The following ADRA1D variants were observed in gnomAD, a reference collection of about 807,000 sequenced individuals.
ADRA1D encodes alpha-1D adrenergic receptor.
ADRA1D carries 22 observed loss-of-function variants against 18.6 expected under a neutral mutation model. The ratio of observed to expected loss-of-function variants is 1.19; its 90% CI spans 0.85 to 1.69. ADRA1D has a LOEUF of 1.69. Among genes scored for constraint, ADRA1D ranks in the 40% most tolerant of loss-of-function variants. The pLI, the probability that ADRA1D is intolerant of heterozygous loss-of-function variation, is 0.00. For missense variants in ADRA1D, 840 were observed against 840.7 expected (o/e 1.00, Z 0.01); for synonymous variants, 376 against 388.2 (o/e 0.97, Z 0.37).
Position 4,248,351 on chromosome 20 carries a change from T to G in ADRA1D, c.607A>C (p.Lys203Gln). 1 of 1,606,638 alleles carries G rather than the reference T, an allele frequency of 6.2e-7. No homozygotes were observed. The highest frequency in any genetic ancestry group is 1.1e-5 in the South Asian group (1 of 89,868). Residue 203 changes from lysine (K) to glutamine (Q), a missense_variant, in exon 1 of 2, where the codon AAG (lysine) becomes CAG (glutamine). Coordinates refer to ENST00000379453, the MANE Select transcript of ADRA1D (RefSeq NM_000678.4). The stretch of plus-strand genomic sequence containing the variant: ...CGCTCGGTCATGATGGCTGGGTACT[T>G]GAGTGAGTGGCGCACGCCCACGTAC... The part of the protein sequence containing the change: ...DRYVGVRHSL[K>Q]YPAIMTERKA...
At position 4,239,121 on chromosome 20, in the gene ADRA1D, G is replaced by A. The variant is rs1981158700; in HGVS notation, c.1111+8726C>T. The stretch of plus-strand genomic sequence containing the variant: ...GACCAGGGCATAGGCCTTGGAGGAG[G>A]GGAGGAGGGGAAGGTCATTGTAGTC... On this transcript the variant is annotated intron_variant, in intron 1 of 1. Transcript: ENST00000379453. The surrounding 1 kb of genome is among the most constrained non-coding windows in gnomAD (Gnocchi z 4.9). Among the ~76,000 whole-genome samples, 1 of 152,106 alleles carries A rather than the reference G, an allele frequency of 6.6e-6. No homozygotes were observed. The highest frequency in any genetic ancestry group is 2.4e-5 in the African/African-American group (1 of 41,422).
chr20:4,229,161 T>C (rs1720370777), intron 1 of ADRA1D, among the ~76,000 whole-genome samples: 2 of 152,206 alleles, frequency 1.3e-5, no homozygotes, highest in Non-Finnish European at 2.9e-5. Context: ...TGTCTTTGCA[T>C]TCTCCTATCA....
At position 4,221,959 on chromosome 20, in the gene ADRA1D, C is replaced by A; in HGVS notation, c.1283G>T (p.Arg428Leu). The A allele has an allele frequency of 6.5e-7, 1 of 1,547,138 alleles. No homozygotes were observed. The change falls in exon 2 of 2, where the codon CGC (arginine) becomes CTC (leucine). Residue 428 changes from arginine (R) to leucine (L), a missense_variant. By Grantham distance (102) the Arg-to-Leu change is moderately radical. Transcript: ENST00000379453. ...RCQCRRRRRR[R>L]PLWRVYGHHW... Reference sequence around the variant, plus strand: ...GTGGCCGTAGACACGCCAGAGAGGGCGGCGGCGCCGGCGACGACGGCACTG... The same window carrying A: ...GTGGCCGTAGACACGCCAGAGAGGGAGGCGGCGCCGGCGACGACGGCACTG...
intron 1 of ADRA1D, among the ~76,000 whole-genome samples, chr20:4,233,699 C>G (rs1395699967): frequency 1.3e-5 from 2 of 152,134 alleles, no homozygotes; most frequent in African/African-American, 4.8e-5. Context: ...CCCTTAGTGG[C>G]CATCATCACT....
At chr20:4,227,706 CCTTCCTTCCTTCCTTCCTTCCTT>C (rs1980844551) in intron 1 of ADRA1D, among the ~76,000 whole-genome samples, 1 of 36,014 alleles carries the variant, frequency 2.8e-5, no homozygotes, top group Non-Finnish European at 6.0e-5. Flanking sequence ...CTCCCTCCCT[CCTTCCTTCCTTCCTTCCTTCCTT>C]CCTTCCTTCC....
intron 1 of ADRA1D, among the ~76,000 whole-genome samples, chr20:4,242,202 G>T (rs1042858108): frequency 6.6e-6 from 1 of 152,160 alleles, no homozygotes; most frequent in African/African-American, 2.4e-5. Context: ...CTTATTTTGC[G>T]CAGTATAACA....
chr20:4,225,428 C>CTTTTTTTTT lies in ADRA1D; in HGVS notation c.1112-3307_1112-3299dup, dbSNP rs11474446. ...GTAGCTATTACTTTTTTTTTTCTTT[C>CTTTTTTTTT]TTTTTTTTTTTTTTTTGAGACAGGG... On this transcript the variant is annotated intron_variant, in intron 1 of 1. Coordinates refer to ENST00000379453, the MANE Select transcript of ADRA1D (RefSeq NM_000678.4). 4.7e-4 allele frequency among the ~76,000 whole-genome samples: 56 copies of CTTTTTTTTT among 119,540 alleles called. 2 individuals are homozygous for CTTTTTTTTT. Among genetic ancestry groups the CTTTTTTTTT allele is most frequent in the South Asian group, 1.1e-3 (4 of 3,696 alleles). The allele number at this position is 119,540 out of a possible 152,430, so 78.4% of individuals were successfully genotyped here.
chr20:4,244,837 T>C (rs946003916), intron 1 of ADRA1D, among the ~76,000 whole-genome samples: 1 of 152,240 alleles, frequency 6.6e-6, no homozygotes, highest in Non-Finnish European at 1.5e-5. Flanking sequence ...GTTTGGCCTC[T>C]GTCCTGTTTG....
rs1226226169 is a variant in ADRA1D, at chr20:4,248,675, G to T, written c.283C>A (p.Gln95Lys). 1 of 1,597,380 alleles carries T rather than the reference G, an allele frequency of 6.3e-7. No homozygotes were observed. The highest frequency in any genetic ancestry group is 8.5e-7 in the Non-Finnish European group (1 of 1,173,056). ...AAVGGLVVSA[Q>K]GVGVGVFLAA... ...AGGAAGACGCCCACGCCCACGCCCT[G>T]CGCGCTCACCACCAGTCCCCCGACG... The change falls in exon 1 of 2, where the codon CAG becomes AAG. Residue 95 changes from glutamine (Q) to lysine (K), a missense_variant. Gln to Lys is a moderately conservative substitution (Grantham distance 53). Coordinates refer to ENST00000379453, the MANE Select transcript of ADRA1D (RefSeq NM_000678.4).
chr20:4,231,088 TTTTCTTTTC>T (rs200744593), intron 1 of ADRA1D, among the ~76,000 whole-genome samples: 4,755 of 84,218 alleles, frequency 0.056, 305 homozygotes, highest in African/African-American at 0.19. Flanking sequence ...CTCTCTTTTC[TTTTCTTTTC>T]TTTCTTTCTT....
intron 1 of ADRA1D, among the ~76,000 whole-genome samples, chr20:4,240,531 T>G (rs1358634718): frequency 6.6e-6 from 1 of 152,018 alleles, no homozygotes; most frequent in Non-Finnish European, 1.5e-5. Flanking sequence ...CAGTGGTTCA[T>G]GCCTGTAATC....
chr20:4,227,759 CT>C (rs1980853559), intron 1 of ADRA1D, among the ~76,000 whole-genome samples: 1 of 135,540 alleles, frequency 7.4e-6, no homozygotes, highest in African/African-American at 2.9e-5. Flanking sequence ...TCTTCTCTCT[CT>C]CTCTTTCTTC....
chr20:4,240,147 A>T (rs897191088), intron 1 of ADRA1D, among the ~76,000 whole-genome samples: 10 of 152,212 alleles, frequency 6.6e-5, no homozygotes, highest in Non-Finnish European at 8.8e-5. Flanking sequence ...GGCACTGTGG[A>T]GATGCAAACT....
chr20:4,246,447 C>T (rs966583160), intron 1 of ADRA1D, among the ~76,000 whole-genome samples: 3 of 152,084 alleles, frequency 2.0e-5, no homozygotes, highest in Non-Finnish European at 4.4e-5. Context: ...ACAGCGAAGT[C>T]GGAGAGAATA....
In ADRA1D at chr20:4,248,274, G is replaced by C. The variant is rs779796386; in HGVS notation, c.684C>G (p.Ser228=). 141 of 1,608,680 alleles carry C rather than the reference G, an allele frequency of 8.8e-5. No individual in the cohort carries two copies. In the Admixed American group the frequency reaches 1.3e-3, roughly 14 times the overall value. ...CCTTCCAGCCCAGCAGGGGCCCTAC[G>C]GACACCACCAGGGCTACGACCCAGA... is the stretch of plus-strand genomic sequence containing the variant. ...ALLWVVALVV[S]VGPLLGWKEP... Residue 228 remains serine (S), a synonymous_variant, in exon 1 of 2, where the codon TCC becomes TCG. Transcript: ENST00000379453.
chr20:4,248,951 A>C lies in ADRA1D; in HGVS notation c.7T>G (p.Phe3Val). 1 of 1,346,790 alleles carries C rather than the reference A, an allele frequency of 7.4e-7. No homozygotes were observed. The highest frequency in any genetic ancestry group is 9.6e-7 in the Non-Finnish European group (1 of 1,037,012). 83.4% of individuals were successfully genotyped at this position (1,346,790 alleles called of 1,614,324 possible). The change falls in exon 1 of 2, where the codon TTC (phenylalanine) becomes GTC (valine). Residue 3 changes from phenylalanine (F) to valine (V), a missense_variant. Transcript: ENST00000379453. MT[F>V]RDLLSVSFEG... ...AAACTGACGCTCAGGAGATCGCGGA[A>C]AGTCATCTCAACGCGCGGCCGTCGG...
chr20:4,235,575 CT>C (rs1981069207), intron 1 of ADRA1D, among the ~76,000 whole-genome samples: 1 of 152,266 alleles, frequency 6.6e-6, no homozygotes, highest in African/African-American at 2.4e-5. Context: ...AGGCTGGCCC[CT>C]GATCCAAGCA....
In ADRA1D at chr20:4,221,434, T is replaced by A. The variant is rs1980657199; in HGVS notation, c.*89A>T. 2.3e-5 allele frequency: 32 copies of A among 1,422,190 alleles called. No homozygotes were observed. The South Asian group carries it at 3.6e-4, about 16-fold the overall frequency. 88.1% of individuals were successfully genotyped at this position (1,422,190 alleles called of 1,614,324 possible). ...CCTGATCAGTTTCCGGGTCTCCGAT[T>A]TGCACGGGGGCTCTTAGAACACCAG... On this transcript the variant is annotated 3_prime_UTR_variant, in exon 2 of 2. Coordinates refer to ENST00000379453, the MANE Select transcript of ADRA1D (RefSeq NM_000678.4).
intron 1 of ADRA1D, among the ~76,000 whole-genome samples, chr20:4,242,114 C>A (rs1359824408): frequency 6.6e-6 from 1 of 152,220 alleles, no homozygotes; most frequent in Non-Finnish European, 1.5e-5. Context: ...ATTTTATCAC[C>A]ATTGATAAGT....
Sources: allele counts gnomAD v4.1 joint callset (sites outside exome capture counted in the v4.1 genomes callset), GRCh38; gene constraint gnomAD v4.1.1; non-coding constraint Gnocchi (gnomAD v3.1); transcripts MANE v1.5; gene names NCBI Gene and HGNC (gene_info 2026-07-23, HGNC 2026-07-21).